Variants in MYO1D observed in about 807,000 individuals in gnomAD.
MYO1D encodes unconventional myosin-Id.
MYO1D carries 83 observed loss-of-function variants against 122.0 expected under a neutral mutation model. The observed-to-expected ratio is 0.68, with a 90% CI of 0.57 to 0.82. The LOEUF (loss-of-function observed/expected upper bound fraction) is 0.82. Among genes scored for constraint, MYO1D ranks in the 40% least tolerant of loss-of-function variants. MYO1D has a pLI of 0.00. For synonymous variants in MYO1D, 464 were observed against 446.9 expected, an observed-to-expected ratio of 1.04 and a Z score of -0.48; for missense variants, 1,157 against 1,269.5, an observed-to-expected ratio of 0.91 and a Z score of 1.35.
intron 1 of MYO1D, among the ~76,000 whole-genome samples, chr17:32,830,971 G>A (rs1239740280): frequency 1.3e-5 from 2 of 152,112 alleles, no homozygotes; most frequent in Non-Finnish European, 2.9e-5. Context: ...CAGGAGAATC[G>A]CTTGAACCCA....
At chr17:32,584,370 T>C (rs937820380) in intron 21 of MYO1D, among the ~76,000 whole-genome samples, 12 of 152,228 alleles carry the variant, frequency 7.9e-5, no homozygotes, top group Admixed American at 4.6e-4. Context: ...GAAATAGATT[T>C]TTCTGGTTTC....
At chr17:32,642,832 C>G (rs529610976) in intron 19 of MYO1D, among the ~76,000 whole-genome samples, 173 of 152,118 alleles carry the variant, frequency 1.1e-3, no homozygotes, top group African/African-American at 4.0e-3. Context: ...GGGCTGAGAC[C>G]ATGGGGTTTT....
intron 19 of MYO1D, among the ~76,000 whole-genome samples, chr17:32,644,390 G>A (rs1191994915): frequency 1.3e-5 from 2 of 152,208 alleles, no homozygotes; most frequent in African/African-American, 4.8e-5. Context: ...TGTATATTCT[G>A]TTGATTTGGG....
chr17:32,619,252 G>A (rs2087821576), intron 20 of MYO1D, among the ~76,000 whole-genome samples: 1 of 152,138 alleles, frequency 6.6e-6, no homozygotes, highest in South Asian at 2.1e-4. Context: ...CAATATGCCT[G>A]CCTGTGTAAG....
At position 32,620,921 on chromosome 17, in the gene MYO1D, C is replaced by T. The variant is rs941756188; in HGVS notation, c.2710-15680G>A. On this transcript the variant is annotated intron_variant, in intron 20 of 21. Transcript: ENST00000318217. The stretch of plus-strand genomic sequence containing the variant: ...ATTTGCATATACACATTGAGTATAC[C>T]TTATCCAAAGTGCTTAGAACCAGAA... Among the ~76,000 whole-genome samples, 4 of 152,150 alleles carry T rather than the reference C, an allele frequency of 2.6e-5. No homozygotes were observed. The South Asian group carries it at 8.3e-4, about 32-fold the overall frequency.
At chr17:32,825,586 C>T (rs1461894203) in intron 1 of MYO1D, among the ~76,000 whole-genome samples, 2 of 152,218 alleles carry the variant, frequency 1.3e-5, no homozygotes, top group Non-Finnish European at 2.9e-5. Context: ...CACCACTGCA[C>T]CCGGCCCAAT....
chr17:32,820,292 C>T (rs538208452), intron 1 of MYO1D, among the ~76,000 whole-genome samples: 2 of 152,274 alleles, frequency 1.3e-5, no homozygotes, highest in Admixed American at 6.5e-5. Flanking sequence ...AAGAAAATCA[C>T]CATCTTGAAG....
At chr17:32,760,115 T>C (rs1485902739) in intron 10 of MYO1D, 175 bp downstream of exon 10, 12 of 735,426 alleles carry the variant, frequency 1.6e-5, no homozygotes, top group Non-Finnish European at 2.9e-5. Flanking sequence ...TATCAAATTA[T>C]AGCAATCCCA....
At chr17:32,686,655 T>C (rs1451882539) in intron 16 of MYO1D, among the ~76,000 whole-genome samples, 1 of 151,962 alleles carries the variant, frequency 6.6e-6, no homozygotes, top group African/African-American at 2.4e-5. Flanking sequence ...CATTTGAGTC[T>C]AGGAGTTCGA....
chr17:32,849,406 G>A (rs2090965727), intron 1 of MYO1D, among the ~76,000 whole-genome samples: 2 of 147,828 alleles, frequency 1.4e-5, no homozygotes, highest in South Asian at 4.3e-4. Context: ...CAAAGACTTG[G>A]AACCAACCCA....
intron 21 of MYO1D, among the ~76,000 whole-genome samples, chr17:32,509,654 T>G (rs962660149): frequency 6.6e-6 from 1 of 151,968 alleles, no homozygotes; most frequent in African/African-American, 2.4e-5. Context: ...GTGCGATCGA[T>G]TCCGGCTCAC....
intron 20 of MYO1D, among the ~76,000 whole-genome samples, chr17:32,630,808 C>G (rs372644439): frequency 6.6e-6 from 1 of 152,010 alleles, no homozygotes; most frequent in Non-Finnish European, 1.5e-5. Flanking sequence ...CTCCTGACCT[C>G]GTGATCCACC....
At chr17:32,536,007 TC>T (rs1339667765) in intron 21 of MYO1D, among the ~76,000 whole-genome samples, 2 of 152,184 alleles carry the variant, frequency 1.3e-5, no homozygotes, top group East Asian at 3.8e-4. Context: ...GTTATGGGTC[TC>T]CCAGGATACA....
At chr17:32,529,206 GC>G (rs1910437619) in intron 21 of MYO1D, 1 of 152,226 alleles carries the variant, frequency 6.6e-6, no homozygotes, top group Non-Finnish European at 1.5e-5. Flanking sequence ...TTGTTAACTA[GC>G]TTGTACTTCA....
At chr17:32,584,210 T>C (rs1448055983) in intron 21 of MYO1D, among the ~76,000 whole-genome samples, 2 of 152,234 alleles carry the variant, frequency 1.3e-5, no homozygotes, top group Non-Finnish European at 2.9e-5. Context: ...GATGTACTTT[T>C]ACCTCTGTGC....
intron 16 of MYO1D, among the ~76,000 whole-genome samples, chr17:32,683,571 G>A (rs1173620959): frequency 6.6e-6 from 1 of 151,928 alleles, no homozygotes; most frequent in Non-Finnish European, 1.5e-5. Flanking sequence ...CGGGGGTCAG[G>A]GGTCAGGGAC....
intron 21 of MYO1D, among the ~76,000 whole-genome samples, chr17:32,523,583 C>T (rs116486053): frequency 0.011 from 1,706 of 152,070 alleles, 37 homozygotes; most frequent in African/African-American, 0.039. Context: ...AAACAGTGCC[C>T]GAGGAGCTTT....
intron 5 of MYO1D, among the ~76,000 whole-genome samples, chr17:32,771,820 T>C (rs915279023): frequency 1.3e-5 from 2 of 152,260 alleles, no homozygotes; most frequent in Non-Finnish European, 2.9e-5. Flanking sequence ...AGAACTCTTT[T>C]ATATTTGGTA....
chr17:32,787,879 G>C (rs1261811959), intron 1 of MYO1D, among the ~76,000 whole-genome samples: 1 of 152,162 alleles, frequency 6.6e-6, no homozygotes, highest in Non-Finnish European at 1.5e-5. Flanking sequence ...ACTTCACTTA[G>C]AATAATGGCC....
Sources: allele counts gnomAD v4.1 joint callset (sites outside exome capture counted in the v4.1 genomes callset), GRCh38; gene constraint gnomAD v4.1.1; transcripts MANE v1.5; gene names NCBI Gene and HGNC (gene_info 2026-07-23, HGNC 2026-07-21).